LINGO2: variants seen among roughly 807,000 people sequenced by gnomAD.
The protein encoded by LINGO2 is leucine rich repeat and Ig domain containing 2, also known as leucine-rich repeat and immunoglobulin-like domain-containing nogo receptor-interacting protein 2.
A neutral mutation model predicts 30.6 loss-of-function variants in LINGO2; 14 were observed. The ratio of observed to expected loss-of-function variants is 0.46; its 90% CI spans 0.30 to 0.72. LINGO2 has a LOEUF of 0.72. Among genes scored for constraint, LINGO2 ranks in the 30% least tolerant of loss-of-function variants. LINGO2 has a pLI of 0.07. For synonymous variants in LINGO2, 317 were observed against 288.5 expected (o/e 1.10, Z -1.00); for missense variants, 729 against 751.7 (o/e 0.97, Z 0.35).
intron 4 of LINGO2, among the ~76,000 whole-genome samples, chr9:28,155,946 C>G (rs551337621): frequency 2.6e-5 from 4 of 152,310 alleles, no homozygotes; most frequent in South Asian, 2.1e-4. Flanking sequence ...GACTTCCCAG[C>G]CTCAGAACTG....
the LINGO2 span, among the ~76,000 whole-genome samples, chr9:28,679,788 TA>T: frequency 3.3e-5 from 5 of 152,072 alleles, no homozygotes; most frequent in Admixed American, 1.3e-4. Context: ...TGGTCCTTTT[TA>T]AACATTTTTA....
intron 3 of LINGO2, among the ~76,000 whole-genome samples, chr9:28,304,962 A>G (rs1320520280): frequency 6.6e-6 from 1 of 152,082 alleles, no homozygotes; most frequent in African/African-American, 2.4e-5. Context: ...TAATTCTATT[A>G]CTTATCAATG....
chr9:28,634,735 C>T (rs899863224), intron 1 of LINGO2, among the ~76,000 whole-genome samples: 1 of 152,042 alleles, frequency 6.6e-6, no homozygotes, highest in Non-Finnish European at 1.5e-5. Context: ...ATCTGCCCAC[C>T]TTGGCCTCCC....
At chr9:29,129,988 G>A in the LINGO2 span, among the ~76,000 whole-genome samples, 1 of 152,096 alleles carries the variant, frequency 6.6e-6, no homozygotes, top group Admixed American at 6.6e-5. Context: ...TGCACTTTTG[G>A]TAAAAAGCAT....
At chr9:28,655,319 G>A (rs766475566) in intron 1 of LINGO2, among the ~76,000 whole-genome samples, 1 of 151,992 alleles carries the variant, frequency 6.6e-6, no homozygotes, top group African/African-American at 2.4e-5. Context: ...TGGAATAGGT[G>A]TCTTTACCCA....
At chr9:28,898,461 C>T in the LINGO2 span, among the ~76,000 whole-genome samples, 2 of 152,172 alleles carry the variant, frequency 1.3e-5, no homozygotes, top group Non-Finnish European at 2.9e-5. Flanking sequence ...CACAAAACTT[C>T]ACAGCACTAT....
At chr9:29,073,610 A>G in the LINGO2 span, among the ~76,000 whole-genome samples, 3 of 152,318 alleles carry the variant, frequency 2.0e-5, no homozygotes, top group African/African-American at 7.2e-5. Context: ...TTTATTATCT[A>G]TGACTGCTTT....
At chr9:28,077,411 A>AT (rs1825656563) in intron 4 of LINGO2, among the ~76,000 whole-genome samples, 1 of 152,216 alleles carries the variant, frequency 6.6e-6, no homozygotes, top group Non-Finnish European at 1.5e-5. Flanking sequence ...AGCAAAGGAT[A>AT]CGGGTTGGAC....
the LINGO2 span, among the ~76,000 whole-genome samples, chr9:29,061,067 T>C: frequency 1.3e-5 from 2 of 151,872 alleles, no homozygotes; most frequent in African/African-American, 2.4e-5. Context: ...AAAGAAACTA[T>C]TCATAGACAC....
chr9:28,441,239 A>G (rs1357340915), intron 2 of LINGO2, among the ~76,000 whole-genome samples: 3 of 117,756 alleles, frequency 2.5e-5, no homozygotes, highest in African/African-American at 9.6e-5. Context: ...AGCAGTATAA[A>G]TTCATTGGAG....
chr9:28,853,760 G>C, the LINGO2 span, among the ~76,000 whole-genome samples: 1 of 151,872 alleles, frequency 6.6e-6, no homozygotes. Context: ...AGAACTCACT[G>C]TCATGAGAAC....
chr9:28,544,992 T>C (rs1021614711), intron 1 of LINGO2, among the ~76,000 whole-genome samples: 1 of 151,690 alleles, frequency 6.6e-6, no homozygotes, highest in African/African-American at 2.4e-5. Context: ...TTAATTATGT[T>C]ATATATATTC....
the LINGO2 span, among the ~76,000 whole-genome samples, chr9:28,702,123 CTTG>C: frequency 6.6e-6 from 1 of 151,798 alleles, no homozygotes; most frequent in Non-Finnish European, 1.5e-5. Context: ...TCTTTCTCAT[CTTG>C]TTGTATTAGC....
chr9:28,724,218 T>C, the LINGO2 span, among the ~76,000 whole-genome samples: 1 of 152,146 alleles, frequency 6.6e-6, no homozygotes, highest in Non-Finnish European at 1.5e-5. Flanking sequence ...TGAGTTCTTA[T>C]TATGGGCCAA....
intron 4 of LINGO2, among the ~76,000 whole-genome samples, chr9:28,086,213 AT>A (rs1221193082): frequency 6.6e-6 from 1 of 152,076 alleles, no homozygotes; most frequent in Non-Finnish European, 1.5e-5. Flanking sequence ...CTATAAAAAA[AT>A]CCACACGTCT....
At chr9:28,643,813 T>C (rs1436419505) in intron 1 of LINGO2, among the ~76,000 whole-genome samples, 2 of 151,780 alleles carry the variant, frequency 1.3e-5, no homozygotes, top group South Asian at 2.1e-4. Flanking sequence ...ACCAGAAATA[T>C]ATAAGGAGGT....
At chr9:29,091,336 A>T in the LINGO2 span, among the ~76,000 whole-genome samples, 1 of 152,176 alleles carries the variant, frequency 6.6e-6, no homozygotes, top group East Asian at 1.9e-4. Flanking sequence ...TATAGACATT[A>T]TTTTTTAAAT....
At chr9:28,053,927 T>C (rs561268136) in intron 4 of LINGO2, among the ~76,000 whole-genome samples, 1 of 152,150 alleles carries the variant, frequency 6.6e-6, no homozygotes, top group South Asian at 2.1e-4. Flanking sequence ...TGAAGACAAC[T>C]GAGTAACAGA....
chr9:28,888,116 A>T, the LINGO2 span, among the ~76,000 whole-genome samples: 1 of 152,122 alleles, frequency 6.6e-6, no homozygotes, highest in Non-Finnish European at 1.5e-5. Flanking sequence ...AGTGAATTTG[A>T]AAGTATTTAG....
Sources: allele counts gnomAD v4.1 joint callset (sites outside exome capture counted in the v4.1 genomes callset), GRCh38; gene constraint gnomAD v4.1.1; transcripts MANE v1.5; gene names NCBI Gene and HGNC (gene_info 2026-07-23, HGNC 2026-07-21).